CATSPERB: variants seen among roughly 807,000 people sequenced by gnomAD.
The protein encoded by CATSPERB is cation channel sperm-associated auxiliary subunit beta.
CATSPERB carries 93 observed loss-of-function variants against 128.3 expected under a neutral mutation model. The observed-to-expected ratio is 0.72, with a 90% CI of 0.61 to 0.86. CATSPERB has a LOEUF of 0.86. Among genes scored for constraint, CATSPERB ranks in the 40% least tolerant of loss-of-function variants. The pLI is 0.00. For synonymous variants in CATSPERB, 381 were observed against 448.8 expected, an observed-to-expected ratio of 0.85 and a Z score of 1.91; for missense variants, 1,153 against 1,329.5, an observed-to-expected ratio of 0.87 and a Z score of 2.06.
At chr14:91,657,479 A>G (rs781465413) in intron 15 of CATSPERB, among the ~76,000 whole-genome samples, 1 of 152,146 alleles carries the variant, frequency 6.6e-6, no homozygotes, top group Non-Finnish European at 1.5e-5. Context: ...CTTAAGTAAT[A>G]TCCCACAAAC....
chr14:91,728,942 G>A (rs1021038349), intron 2 of CATSPERB, among the ~76,000 whole-genome samples: 1 of 152,178 alleles, frequency 6.6e-6, no homozygotes, highest in Non-Finnish European at 1.5e-5. Flanking sequence ...CACAGTTTCA[G>A]TTACCTGTAG....
intron 2 of CATSPERB, among the ~76,000 whole-genome samples, chr14:91,729,133 T>C (rs1331934219): frequency 2.0e-5 from 3 of 151,768 alleles, no homozygotes; most frequent in Non-Finnish European, 4.4e-5. Context: ...AGGTCAGGAG[T>C]TCAAGACCAG....
intron 5 of CATSPERB, among the ~76,000 whole-genome samples, chr14:91,713,962 G>A (rs1895886770): frequency 6.6e-6 from 1 of 152,118 alleles, no homozygotes; most frequent in Non-Finnish European, 1.5e-5. Context: ...TCATGACCAA[G>A]TGTTGTTTGT....
intron 7 of CATSPERB, among the ~76,000 whole-genome samples, chr14:91,697,502 G>A (rs892471581): frequency 6.6e-6 from 1 of 152,110 alleles, no homozygotes. Flanking sequence ...GAGATGACAA[G>A]GTCAAGAGTT....
chr14:91,686,662 TG>T (rs772343517), intron 10 of CATSPERB, among the ~76,000 whole-genome samples: 26 of 152,356 alleles, frequency 1.7e-4, no homozygotes, highest in Non-Finnish European at 3.2e-4. Context: ...ATAATATCCT[TG>T]CTAATTATAA....
chr14:91,641,305 C>T (rs892639094), intron 15 of CATSPERB, among the ~76,000 whole-genome samples: 83 of 148,350 alleles, frequency 5.6e-4, no homozygotes, highest in South Asian at 1.1e-3. Flanking sequence ...ACATGAAGTC[C>T]TTGCCCATGC....
At chr14:91,719,388 G>A in intron 5 of CATSPERB, 30 bp downstream of exon 5, 1 of 1,480,484 alleles carries the variant, frequency 6.8e-7, no homozygotes, top group Non-Finnish European at 9.2e-7. Context: ...CAGACCCAGG[G>A]GTAAAAGAAT....
intron 15 of CATSPERB, among the ~76,000 whole-genome samples, chr14:91,648,290 T>G (rs545706153): frequency 2.0e-5 from 3 of 152,206 alleles, no homozygotes; most frequent in African/African-American, 2.4e-5. Context: ...AATCTTTTAA[T>G]GGCATGATGA....
At chr14:91,727,381 C>G (rs750145260) in intron 2 of CATSPERB, among the ~76,000 whole-genome samples, 1 of 151,966 alleles carries the variant, frequency 6.6e-6, no homozygotes, top group East Asian at 1.9e-4. Context: ...AAGAACCATG[C>G]CAAAGATTGG....
chr14:91,583,948 T>A (rs532805051), intron 26 of CATSPERB, among the ~76,000 whole-genome samples: 1 of 152,118 alleles, frequency 6.6e-6, no homozygotes, highest in Non-Finnish European at 1.5e-5. Flanking sequence ...TTCACTGGCA[T>A]GTTAATACTG....
At chr14:91,629,327 T>G (rs1407167647) in intron 17 of CATSPERB, among the ~76,000 whole-genome samples, 1 of 152,168 alleles carries the variant, frequency 6.6e-6, no homozygotes, top group African/African-American at 2.4e-5. Flanking sequence ...GGCAAAATTA[T>G]GGAGACAGCA....
chr14:91,617,576 T>C (rs372395649), intron 20 of CATSPERB, 21 bp downstream of exon 20: 4 of 1,558,306 alleles, frequency 2.6e-6, no homozygotes, highest in Non-Finnish European at 2.6e-6. Context: ...AGAAATGTTT[T>C]GTAAATGAAG....
At chr14:91,618,019 G>C (rs1893977566) in intron 19 of CATSPERB, among the ~76,000 whole-genome samples, 1 of 152,208 alleles carries the variant, frequency 6.6e-6, no homozygotes, top group Non-Finnish European at 1.5e-5. Flanking sequence ...TAAGAAAGTA[G>C]AGGAATAAAA....
intron 22 of CATSPERB, among the ~76,000 whole-genome samples, chr14:91,607,487 G>A (rs554192347): frequency 2.0e-5 from 3 of 152,264 alleles, no homozygotes; most frequent in East Asian, 3.9e-4. Flanking sequence ...GTGGAAATAT[G>A]CCCAGCATAT....
At chr14:91,681,072 T>C (rs1481363772) in intron 11 of CATSPERB, among the ~76,000 whole-genome samples, 2 of 152,192 alleles carry the variant, frequency 1.3e-5, no homozygotes, top group Admixed American at 6.5e-5. Flanking sequence ...AGTCATATGT[T>C]ATATGCATGT....
chr14:91,700,747 G>T (rs575195288), intron 7 of CATSPERB, among the ~76,000 whole-genome samples: 1 of 152,092 alleles, frequency 6.6e-6, no homozygotes, highest in Non-Finnish European at 1.5e-5. Flanking sequence ...AATACCATAT[G>T]TTCTCACTTG....
intron 11 of CATSPERB, among the ~76,000 whole-genome samples, 174 bp downstream of exon 11, chr14:91,683,703 C>G (rs1201283493): frequency 6.6e-6 from 1 of 152,078 alleles, no homozygotes; most frequent in African/African-American, 2.4e-5. Context: ...GACACACAGA[C>G]CTTGCACCCA....
intron 22 of CATSPERB, among the ~76,000 whole-genome samples, chr14:91,595,262 T>C (rs1030888085): frequency 6.6e-6 from 1 of 151,888 alleles, no homozygotes; most frequent in Non-Finnish European, 1.5e-5. Context: ...TGATAGAACT[T>C]TGTTCTATAG....
At chr14:91,672,154 T>G (rs1250633724) in intron 13 of CATSPERB, among the ~76,000 whole-genome samples, 2 of 152,240 alleles carry the variant, frequency 1.3e-5, no homozygotes, top group Non-Finnish European at 2.9e-5. Flanking sequence ...TTAATATTTT[T>G]TTTTCAGTTT....
Sources: allele counts gnomAD v4.1 joint callset (sites outside exome capture counted in the v4.1 genomes callset), GRCh38; gene constraint gnomAD v4.1.1; transcripts MANE v1.5; gene names NCBI Gene and HGNC (gene_info 2026-07-23, HGNC 2026-07-21).